SP110: variants seen among roughly 807,000 people sequenced by gnomAD.
The protein encoded by SP110 is interferon-induced protein 41, 30kD.
A neutral mutation model predicts 92.7 loss-of-function variants in SP110; 62 were observed. The ratio of observed to expected loss-of-function variants is 0.67; its 90% CI spans 0.55 to 0.83. The LOEUF is 0.83. Ranked by LOEUF, SP110 falls within the 40% of genes least tolerant of loss-of-function variation. The pLI, the probability that SP110 is intolerant of heterozygous loss-of-function variation, is 0.00. For synonymous variants in SP110, 273 were observed against 305.3 expected (o/e 0.89, Z 1.10); for missense variants, 793 against 863.9 (o/e 0.92, Z 1.03).
chr2:230,202,924 C>A (rs1422324258), intron 8 of SP110, 196 bp from the exon 9 acceptor site: 1 of 612,074 alleles, frequency 1.6e-6, no homozygotes, highest in Non-Finnish European at 2.9e-6. Context: ...TTTGCCTCCC[C>A]AAATTACCAT....
At chr2:230,169,503 CG>C (rs34354663) in intron 18 of SP110, among the ~76,000 whole-genome samples, 22,076 of 152,044 alleles carry the variant, frequency 0.15, 1,694 homozygotes, top group African/African-American at 0.16. Context: ...TTTCAGAGAT[CG>C]GGGTGAGGAG....
At chr2:230,177,355 C>A in intron 14 of SP110, 183 bp downstream of exon 14, 1 of 706,598 alleles carries the variant, frequency 1.4e-6, no homozygotes, top group South Asian at 1.7e-5. Context: ...TAAAGTTCTC[C>A]ACCATCAGGA....
intron 10 of SP110, among the ~76,000 whole-genome samples, chr2:230,198,845 A>T (rs1480923474): frequency 6.6e-6 from 1 of 152,006 alleles, no homozygotes; most frequent in Admixed American, 6.6e-5. Flanking sequence ...TGATCCACCC[A>T]CCTCGGCCTC....
rs531913792 is a variant in SP110 at position 230,195,967 on chromosome 2, G to A, written c.1129+4918C>T. Among the ~76,000 whole-genome samples, 10 of 152,208 alleles carry A rather than the reference G, an allele frequency of 6.6e-5. No homozygotes were observed. The East Asian group carries it at 1.2e-3, about 18-fold the overall frequency. On this transcript the variant is annotated intron_variant, in intron 10 of 18. Transcript: ENST00000258381. ...AGTTAAAAATGCTCAAGGAGGAAAT[G>A]AAGATGACAAATTTATTTAGAAATC...
chr2:230,174,017 C>T (rs1161022286), intron 14 of SP110: 1 of 152,194 alleles, frequency 6.6e-6, no homozygotes, highest in African/African-American at 2.4e-5. Flanking sequence ...TGTAACATCA[C>T]CCTGAAGACA....
At chr2:230,220,237 A>G (rs2045696431), upstream of SP110, 1 of 185,046 alleles carries the variant, frequency 5.4e-6, no homozygotes, top group Non-Finnish European at 1.0e-5. Flanking sequence ...GGCAATAGGA[A>G]CTGGGAACTC....
intron 10 of SP110, among the ~76,000 whole-genome samples, chr2:230,191,096 A>T (rs1397948030): frequency 6.6e-6 from 1 of 152,186 alleles, no homozygotes; most frequent in African/African-American, 2.4e-5. Flanking sequence ...TTCTGTGAAG[A>T]ATGTAGAGAC....
chr2:230,183,649 A>T lies in SP110; in HGVS notation c.1280-9T>A. 1 of 1,429,442 alleles carries T rather than the reference A, an allele frequency of 7.0e-7. No individual in the cohort carries two copies. The highest frequency in any genetic ancestry group is 1.1e-5 in the South Asian group (1 of 87,404). 88.5% of individuals were successfully genotyped at this position (1,429,442 alleles called of 1,614,324 possible). A position where few individuals can be genotyped will look rare whatever the true frequency, so the allele number is the denominator to read the frequency against. The stretch of plus-strand genomic sequence containing the variant: ...TTTCTCCTTTTTCTTTTCTAAACAC[A>T]GAATTAATAATCACTTATAGCTACA... On this transcript the variant is annotated splice_polypyrimidine_tract_variant and intron_variant, in intron 11 of 18. Coordinates refer to ENST00000258381, the MANE Select transcript of SP110 (RefSeq NM_080424.4).
At position 230,212,947 on chromosome 2, in the gene SP110, G is replaced by A. The variant is rs1225041372; in HGVS notation, c.397C>T (p.Leu133Phe). ...GGGGGCAGCGCCAGTGGGGTATGGA[G>A]GGAGCTTCCTTCTGCTAGGCCAGTT... is the stretch of plus-strand genomic sequence containing the variant. ...APTGLAEGSSLHTPLALPPPQ... is the reference protein window; with the variant it reads ...APTGLAEGSSFHTPLALPPPQ... Residue 133 changes from leucine to phenylalanine, a missense_variant, in exon 4 of 19, where the codon CTC becomes TTC. Transcript: ENST00000258381. 6.2e-7 allele frequency: 1 copy of A among 1,613,948 alleles called. No homozygotes were observed. The highest frequency in any genetic ancestry group is 1.3e-5 in the African/African-American group (1 of 74,874).
chr2:230,171,029 C>T (rs13010639), intron 17 of SP110: 54,103 of 539,118 alleles, frequency 0.1, 3,101 homozygotes, highest in Non-Finnish European at 0.12. Flanking sequence ...AAGGAACCTA[C>T]CCAAGATGTC....
At chr2:230,180,928 C>T (rs1402839690) in intron 12 of SP110, among the ~76,000 whole-genome samples, 1 of 152,176 alleles carries the variant, frequency 6.6e-6, no homozygotes, top group Non-Finnish European at 1.5e-5. Flanking sequence ...TTAGCTCATT[C>T]AAGTCTTTTG....
At chr2:230,176,679 A>C in intron 14 of SP110, 1 of 1,613,806 alleles carries the variant, frequency 6.2e-7, no homozygotes, top group Non-Finnish European at 8.5e-7. Flanking sequence ...TTGCTATTTA[A>C]CTCTCTCTTG....
At chr2:230,189,009 G>T (rs968317717) in intron 10 of SP110, among the ~76,000 whole-genome samples, 1 of 151,988 alleles carries the variant, frequency 6.6e-6, no homozygotes, top group African/African-American at 2.4e-5. Flanking sequence ...GTTCATAGTA[G>T]TCCTGAATGA....
intron 8 of SP110, among the ~76,000 whole-genome samples, chr2:230,206,183 C>G (rs904573654): frequency 8.4e-4 from 128 of 152,224 alleles, no homozygotes; most frequent in African/African-American, 3.0e-3. Context: ...CCATCTATTG[C>G]TCTGTTTCCT....
chr2:230,212,982 A>C lies in SP110; in HGVS notation c.362T>G (p.Leu121Arg). The change falls in exon 4 of 19, where the codon CTT becomes CGT. Residue 121 changes from leucine (L) to arginine (R), a missense_variant. Transcript: ENST00000258381. ...TTCTGCTAGGCCAGTTGGGGCTTCA[A>C]GTAGGATTGGTGTGTCTCTGCTCTG... ...EWQSRDTPIL[L>R]EAPTGLAEGS... 3 of 1,614,038 alleles carry C rather than the reference A, an allele frequency of 1.9e-6. No individual in the cohort carries two copies. Among genetic ancestry groups the C allele is most frequent in the Non-Finnish European group, 2.5e-6 (3 of 1,179,968 alleles).
chr2:230,196,072 T>A (rs1385156196), intron 10 of SP110, among the ~76,000 whole-genome samples: 1 of 152,194 alleles, frequency 6.6e-6, no homozygotes, highest in South Asian at 2.1e-4. Flanking sequence ...TTTTATTACA[T>A]CCAGCATTGA....
At chr2:230,204,751 G>C (rs367595759) in intron 8 of SP110, among the ~76,000 whole-genome samples, 2 of 152,098 alleles carry the variant, frequency 1.3e-5, no homozygotes, top group African/African-American at 4.8e-5. Flanking sequence ...AGAAATTATG[G>C]GACCAGCTTG....
In SP110 at chr2:230,212,139, G is replaced by A. The variant is rs369050000; in HGVS notation, c.667+208C>T. Among the ~76,000 whole-genome samples the A allele has an allele frequency of 3.1e-3, 473 of 152,314 alleles. 2 individuals carry two copies. The highest frequency in any genetic ancestry group is 0.011 in the African/African-American group (452 of 41,562). On this transcript the variant is annotated intron_variant, in intron 5 of 18. Transcript: ENST00000258381. ...TAAGGGTCACTAGTGTGAGTGTTAC[G>A]CAGGTTACTTGTCAATTCAGAATGG...
intron 14 of SP110, chr2:230,173,362 A>T (rs2041703214): frequency 3.5e-6 from 1 of 285,942 alleles, no homozygotes; most frequent in Middle Eastern, 1.3e-3. Context: ...GTGCAGGAGT[A>T]TGGGAACTGT....
Sources: gnomAD v4.1 joint callset for allele counts (sites outside exome capture counted in the v4.1 genomes callset) on GRCh38, gnomAD v4.1.1 for gene constraint, MANE v1.5 for transcripts, NCBI Gene and HGNC (gene_info 2026-07-23, HGNC 2026-07-21) for gene names.